The following SHROOM2 variants were observed in gnomAD, a reference collection of about 807,000 sequenced individuals.
The protein encoded by SHROOM2 is protein Shroom2.
SHROOM2 carries 33 observed loss-of-function variants against 75.9 expected under a neutral mutation model. The observed-to-expected ratio is 0.43, with a 90% confidence interval of 0.33 to 0.58. The LOEUF is 0.58. Among genes scored for constraint, SHROOM2 ranks in the 20% least tolerant of loss-of-function variants. The pLI is 0.04. For synonymous variants in SHROOM2, 655 were observed against 663.6 expected (o/e 0.99, Z 0.20); for missense variants, 1,434 against 1,461.2 (o/e 0.98, Z 0.30).
chrX:9,901,524 G>A (rs2084365459), intron 5 of SHROOM2, among the ~76,000 whole-genome samples: 1 of 112,241 alleles, frequency 8.9e-6, no homozygotes. Context: ...GTCACCCTGT[G>A]GGTGGCACAG....
At chrX:9,857,385 AT>A (rs3047816) in intron 1 of SHROOM2, among the ~76,000 whole-genome samples, 5,165 of 102,594 alleles carry the variant, frequency 0.05, 107 homozygotes, top group Middle Eastern at 0.067. Context: ...TTAATTAAGA[AT>A]TTTTTTTTTT....
At chrX:9,899,786 C>G (rs1192508513) in intron 5 of SHROOM2, among the ~76,000 whole-genome samples, 1 of 112,226 alleles carries the variant, frequency 8.9e-6, no homozygotes, top group Non-Finnish European at 1.9e-5. Context: ...CTGTGGATTC[C>G]AAGTAGGTCA....
chrX:9,929,358 G>C (rs1030636431), intron 5 of SHROOM2, among the ~76,000 whole-genome samples: 1 of 111,623 alleles, frequency 9.0e-6, no homozygotes, highest in African/African-American at 3.3e-5. Context: ...GCTGGAGCGC[G>C]CCCCGTGCTG....
chrX:9,900,856 C>T (rs2084362068), intron 5 of SHROOM2, among the ~76,000 whole-genome samples: 2 of 110,335 alleles, frequency 1.8e-5, no homozygotes, highest in South Asian at 3.9e-4. Context: ...AGCCCCCACC[C>T]CCACTGCCAT....
Position 9,944,790 on chromosome X carries a change from G to C in SHROOM2, c.4461G>C (p.Lys1487Asn). The change falls in exon 9 of 10, where the codon AAG (lysine) becomes AAC (asparagine). Residue 1487 changes from lysine (K) to asparagine (N), a missense_variant. Lys to Asn is a moderately conservative substitution (Grantham distance 94). This residue lies in a region of SHROOM2 where 14 missense variants were observed against 34.5 expected (regional missense o/e 0.41). Coordinates refer to ENST00000380913, the MANE Select transcript of SHROOM2 (RefSeq NM_001649.4). ...TCTGCAAGCCCAGCGAGTTTGACAAGTTCCGGATGTTCATTGGAGACCTGG... is the reference window on the plus strand; with the variant it reads ...TCTGCAAGCCCAGCGAGTTTGACAACTTCCGGATGTTCATTGGAGACCTGG... The part of the protein sequence containing the change: ...KGVCKPSEFD[K>N]FRMFIGDLDK... 1 of 1,212,434 alleles carries C rather than the reference G, an allele frequency of 8.2e-7. No homozygotes were observed.
At chrX:9,841,416 C>T (rs1361291035) in intron 1 of SHROOM2, among the ~76,000 whole-genome samples, 1 of 112,033 alleles carries the variant, frequency 8.9e-6, no homozygotes, top group African/African-American at 3.2e-5. Context: ...CTTTGGCTTA[C>T]ATAATAAATA....
rs140262286 is a variant in SHROOM2, at chrX:9,941,690, G to A, written c.4311+2324G>A. ...TAATGGCACTGAAAATTTCCTGAGC[G>A]GCCGGGCGCGGTGGCTCACGCTTGT... On this transcript the variant is annotated intron_variant, in intron 8 of 9. Coordinates refer to ENST00000380913, the MANE Select transcript of SHROOM2 (RefSeq NM_001649.4). Among the ~76,000 whole-genome samples the A allele has an allele frequency of 6.9e-3, 759 of 110,622 alleles. 5 individuals carry two copies. The highest frequency in any genetic ancestry group is 0.023 in the African/African-American group (707 of 30,519).
At chrX:9,930,242 C>T (rs1278638300) in intron 5 of SHROOM2, among the ~76,000 whole-genome samples, 3 of 111,448 alleles carry the variant, frequency 2.7e-5, no homozygotes, top group East Asian at 2.8e-4. Context: ...TGAGGCTGGG[C>T]GCAGTGACTC....
chrX:9,830,032 C>T (rs748513578), intron 1 of SHROOM2, among the ~76,000 whole-genome samples: 10 of 111,312 alleles, frequency 9.0e-5, no homozygotes, highest in Admixed American at 9.7e-5. Flanking sequence ...ACTGGCATGT[C>T]TTGGGCTCTG....
intron 2 of SHROOM2, among the ~76,000 whole-genome samples, chrX:9,883,865 C>T: frequency 9.0e-6 from 1 of 110,649 alleles, no homozygotes; most frequent in South Asian, 3.9e-4. Flanking sequence ...AGGTAAATTC[C>T]CTTCTCCCCA....
chrX:9,829,570 T>C (rs760419417), intron 1 of SHROOM2, among the ~76,000 whole-genome samples: 50 of 111,857 alleles, frequency 4.5e-4, no homozygotes, highest in African/African-American at 1.4e-3. Flanking sequence ...GCCCTTAGGG[T>C]GGCAGGGACA....
intron 5 of SHROOM2, among the ~76,000 whole-genome samples, chrX:9,928,256 T>A (rs1392104986): frequency 8.9e-6 from 1 of 112,396 alleles, no homozygotes; most frequent in Non-Finnish European, 1.9e-5. Context: ...CTCTGGGAAC[T>A]GTGCAAGCAG....
At chrX:9,897,570 GAAA>G (rs56239501) in intron 4 of SHROOM2, among the ~76,000 whole-genome samples, 5 of 91,228 alleles carry the variant, frequency 5.5e-5, no homozygotes, top group Non-Finnish European at 8.3e-5. Context: ...AAAAAAAAAA[GAAA>G]AAAAAAACTT....
intron 5 of SHROOM2, among the ~76,000 whole-genome samples, chrX:9,900,289 A>G (rs1183886683): frequency 9.0e-6 from 1 of 111,227 alleles, no homozygotes; most frequent in African/African-American, 3.3e-5. Flanking sequence ...GAGACTCTTT[A>G]ATTTCTGAAG....
chrX:9,850,075 T>G (rs1167949953), intron 1 of SHROOM2, among the ~76,000 whole-genome samples: 1 of 111,079 alleles, frequency 9.0e-6, no homozygotes, highest in African/African-American at 3.3e-5. Context: ...ACTTTTGAGG[T>G]GAGCACCCTG....
chrX:9,797,147 T>C (rs2083699136), intron 1 of SHROOM2, among the ~76,000 whole-genome samples: 1 of 112,372 alleles, frequency 8.9e-6, no homozygotes, highest in African/African-American at 3.2e-5. Flanking sequence ...TCAGACACTG[T>C]TGGGCCACAT....
chrX:9,837,374 A>G (rs1331796353), intron 1 of SHROOM2, among the ~76,000 whole-genome samples: 1 of 112,935 alleles, frequency 8.9e-6, no homozygotes, highest in Non-Finnish European at 1.9e-5. Flanking sequence ...TCAGGAAGTA[A>G]GTCACTGTCA....
In SHROOM2 at chrX:9,866,068, A is replaced by G. The variant is rs1401383134; in HGVS notation, c.166-7584A>G. ...CTTCCCTGCCCTGGCCTCTGGGACC[A>G]CAGCAGGGGCCAGGAATTTTTTTTT... On this transcript the variant is annotated intron_variant, in intron 1 of 9. Coordinates refer to ENST00000380913, the MANE Select transcript of SHROOM2 (RefSeq NM_001649.4). Among the ~76,000 whole-genome samples, 3 of 101,950 alleles carry G rather than the reference A, an allele frequency of 2.9e-5. No individual in the cohort carries two copies. The East Asian group carries it at 9.3e-4, about 32-fold the overall frequency. 88.5% of individuals were successfully genotyped at this position (101,950 alleles called of 115,157 possible). A position where few individuals can be genotyped will look rare whatever the true frequency, so the allele number is the denominator to read the frequency against.
chrX:9,919,998 A>T (rs915208733), intron 5 of SHROOM2, among the ~76,000 whole-genome samples: 7 of 111,046 alleles, frequency 6.3e-5, no homozygotes, highest in Admixed American at 9.6e-5. Flanking sequence ...AATCACTACA[A>T]CTCATCAGAC....
Sources: allele counts gnomAD v4.1 joint callset (sites outside exome capture counted in the v4.1 genomes callset), GRCh38; gene constraint gnomAD v4.1.1; regional missense constraint gnomAD v4.1.1; transcripts MANE v1.5; gene names NCBI Gene and HGNC (gene_info 2026-07-23, HGNC 2026-07-21).